The following LINC01488 variants were observed in gnomAD, a reference collection of about 807,000 sequenced individuals.
The protein encoded by LINC01488 is CCND1-upstream intergenic DNA repair 1.
chr11:69,490,721 T>C (rs1857207004), intron 2 of LINC01488: 1 of 152,412 alleles, frequency 6.6e-6, no homozygotes, highest in South Asian at 2.1e-4. Flanking sequence ...CCTAGGGTTA[T>C]ACTTTCGGCC....
chr11:69,484,141 C>T (rs1565191787), intron 1 of LINC01488, among the ~76,000 whole-genome samples: 1 of 152,164 alleles, frequency 6.6e-6, no homozygotes, highest in Admixed American at 6.5e-5. Context: ...TGGGGTGCCC[C>T]CTCACTCCTT....
At chr11:69,491,157 T>G (rs1857211909) in exon 3 of LINC01488, 1 of 152,160 alleles carries the variant, frequency 6.6e-6, no homozygotes, top group Admixed American at 6.6e-5. Context: ...TGGGGAGGGT[T>G]GAGGTGGCCA....
At chr11:69,481,767 C>A (rs952631691) in exon 1 of LINC01488, 1 of 152,292 alleles carries the variant, frequency 6.6e-6, no homozygotes, top group African/African-American at 2.4e-5. Flanking sequence ...AGGGCTAGAC[C>A]AGGCTCCATC....
Position 69,486,682 on chromosome 11 carries a change from G to T in LINC01488, n.123-3813G>T, listed in dbSNP as rs566879525. ...GAGGGGACAGCCTATGGGGACAGGG[G>T]AGGAGCCTCTCCCAGTCCCAGGGGT... is the stretch of plus-strand genomic sequence containing the variant. On this transcript the variant is annotated intron_variant and non_coding_transcript_variant, in intron 1 of 3. Transcript: ENST00000644563. Among the ~76,000 whole-genome samples, 7 of 152,266 alleles carry T rather than the reference G, an allele frequency of 4.6e-5. No homozygotes were observed. In the East Asian group the frequency reaches 1.4e-3, roughly 30 times the overall value.
chr11:69,486,733 C>G (rs1276896067), intron 1 of LINC01488, among the ~76,000 whole-genome samples: 1 of 152,184 alleles, frequency 6.6e-6, no homozygotes, highest in Non-Finnish European at 1.5e-5. Flanking sequence ...CCCAGCCCAT[C>G]TGAGGAGCTC....
At chr11:69,489,550 G>A (rs192310085) in intron 1 of LINC01488, among the ~76,000 whole-genome samples, 35 of 152,358 alleles carry the variant, frequency 2.3e-4, no homozygotes, top group East Asian at 1.7e-3. Flanking sequence ...CCCTGGAGCC[G>A]GAGGCTTGGC....
chr11:69,490,968 T>G (rs1032389192), intron 2 of LINC01488: 2 of 152,190 alleles, frequency 1.3e-5, no homozygotes, highest in Non-Finnish European at 2.9e-5. Context: ...ATTCATTCAT[T>G]TATCAACTCA....
intron 1 of LINC01488, among the ~76,000 whole-genome samples, chr11:69,483,871 T>TGGG (rs1295400744): frequency 6.6e-6 from 1 of 151,954 alleles, no homozygotes; most frequent in Admixed American, 6.5e-5. Flanking sequence ...GGCGGGTGCC[T>TGGG]CCCGGTGGGC....
chr11:69,483,534 C>A (rs1857067281), intron 1 of LINC01488, among the ~76,000 whole-genome samples: 1 of 152,170 alleles, frequency 6.6e-6, no homozygotes, highest in Non-Finnish European at 1.5e-5. Flanking sequence ...AATGAAGAAA[C>A]CATCTCCATG....
At chr11:69,481,844 T>C (rs1317474270) in intron 1 of LINC01488, 1 of 152,006 alleles carries the variant, frequency 6.6e-6, no homozygotes, top group Admixed American at 6.6e-5. Flanking sequence ...GGTGGGTGAA[T>C]GGATGGATGG....
At chr11:69,487,491 C>T (rs779938368) in intron 1 of LINC01488, among the ~76,000 whole-genome samples, 7 of 152,332 alleles carry the variant, frequency 4.6e-5, no homozygotes, top group African/African-American at 7.2e-5. Context: ...TAAGGACTGA[C>T]GGGGAGCTAG....
intron 1 of LINC01488, among the ~76,000 whole-genome samples, chr11:69,490,246 T>C (rs989918081): frequency 2.0e-5 from 3 of 152,188 alleles, no homozygotes; most frequent in African/African-American, 7.2e-5. Flanking sequence ...GAATGGGCTT[T>C]TGTCCGAAGC....
At chr11:69,491,035 G>A (rs1414364222) in exon 3 of LINC01488, 1 of 152,230 alleles carries the variant, frequency 6.6e-6, no homozygotes, top group African/African-American at 2.4e-5. Flanking sequence ...AGGGCCTGCT[G>A]TGCGCCAGCT....
intron 1 of LINC01488, among the ~76,000 whole-genome samples, chr11:69,490,299 G>T (rs577964824): frequency 3.2e-4 from 49 of 152,370 alleles, no homozygotes; most frequent in African/African-American, 1.2e-3. Context: ...GCAGGACTGC[G>T]GAGGCGTGGG....
chr11:69,489,349 G>T (rs2134974000), intron 1 of LINC01488, among the ~76,000 whole-genome samples: 1 of 152,352 alleles, frequency 6.6e-6, no homozygotes, highest in East Asian at 1.9e-4. Context: ...GACACCAGAG[G>T]CTGCTGCCGT....
intron 1 of LINC01488, among the ~76,000 whole-genome samples, chr11:69,489,669 C>A (rs765032753): frequency 7.9e-5 from 12 of 152,202 alleles, no homozygotes; most frequent in Non-Finnish European, 1.3e-4. Flanking sequence ...GTCCATAGGC[C>A]GTAGGCTCCC....
intron 1 of LINC01488, among the ~76,000 whole-genome samples, chr11:69,489,862 G>C (rs545788539): frequency 1.3e-5 from 2 of 152,138 alleles, no homozygotes; most frequent in Admixed American, 1.3e-4. Context: ...GCCCCATCCC[G>C]ACACTCTCAG....
chr11:69,489,291 T>G (rs1857177105), intron 1 of LINC01488, among the ~76,000 whole-genome samples: 1 of 151,968 alleles, frequency 6.6e-6, no homozygotes, highest in Non-Finnish European at 1.5e-5. Context: ...TCTCCGAAAC[T>G]GAAATGAGGG....
At chr11:69,485,293 A>G (rs965687422) in intron 1 of LINC01488, among the ~76,000 whole-genome samples, 3 of 152,206 alleles carry the variant, frequency 2.0e-5, no homozygotes, top group African/African-American at 7.2e-5. Flanking sequence ...AGGTCTTCTC[A>G]TCCCCTCTCA....
Sources: gnomAD v4.1 joint callset for allele counts (sites outside exome capture counted in the v4.1 genomes callset) on GRCh38, gnomAD v4.1.1 for gene constraint, MANE v1.5 for transcripts, NCBI Gene and HGNC (gene_info 2026-07-23, HGNC 2026-07-21) for gene names.